The following PCDHA9 variants were observed in gnomAD, a reference collection of about 807,000 sequenced individuals.
PCDHA9 encodes protocadherin alpha-9.
In PCDHA9, 62 loss-of-function variants were observed where a neutral mutation model predicts 62.0. The ratio of observed to expected loss-of-function variants is 1.00; its 90% CI spans 0.81 to 1.23. PCDHA9 has a LOEUF of 1.23. Ranked by LOEUF, PCDHA9 falls within the 50% of genes most tolerant of loss-of-function variation. The pLI is 0.00. For synonymous variants in PCDHA9, 557 were observed against 567.6 expected (o/e 0.98, Z 0.27); for missense variants, 1,205 against 1,249.8 (o/e 0.96, Z 0.54).
At chr5:140,984,307 G>T (rs2153833813) in intron 3 of PCDHA9, among the ~76,000 whole-genome samples, 1 of 152,288 alleles carries the variant, frequency 6.6e-6, no homozygotes, top group Non-Finnish European at 1.5e-5. Context: ...GCTGGTTGGT[G>T]TGTATTCCTA....
Position 140,851,538 on chromosome 5 carries a change from A to G in PCDHA9, c.2394+649A>G. 2.2e-6 allele frequency: 2 copies of G among 905,392 alleles called. 1 individual carries two copies. The highest frequency in any genetic ancestry group is 2.7e-6 in the Non-Finnish European group (2 of 743,116). The allele number at this position is 905,392 out of a possible 1,614,324, so 56.1% of individuals were successfully genotyped here. A position where few individuals can be genotyped will look rare whatever the true frequency, so the allele number is the denominator to read the frequency against. Reference sequence around the variant, plus strand: ...TTTTAAAATGCCTGACAATGTAGATAATTCAAGAAATGTTGACTGAAATTT... The same window carrying G: ...TTTTAAAATGCCTGACAATGTAGATGATTCAAGAAATGTTGACTGAAATTT... On this transcript the variant is annotated intron_variant, in intron 1 of 3. Coordinates refer to ENST00000532602, the MANE Select transcript of PCDHA9 (RefSeq NM_031857.2).
At chr5:140,990,900 G>C (rs1164287326) in intron 3 of PCDHA9, among the ~76,000 whole-genome samples, 1 of 152,114 alleles carries the variant, frequency 6.6e-6, no homozygotes, top group Non-Finnish European at 1.5e-5. Flanking sequence ...TCGTTGCTGG[G>C]TCAAGTTTTA....
intron 3 of PCDHA9, among the ~76,000 whole-genome samples, chr5:140,999,867 C>A (rs1269782566): frequency 1.3e-5 from 2 of 152,190 alleles, no homozygotes; most frequent in African/African-American, 4.8e-5. Context: ...TCCAAGATTA[C>A]TGAAAATTAG....
chr5:140,959,301 G>A (rs139206577), intron 1 of PCDHA9, among the ~76,000 whole-genome samples: 161 of 152,140 alleles, frequency 1.1e-3, no homozygotes, highest in Non-Finnish European at 1.1e-3. Context: ...CACTGAGCCC[G>A]GTGGTTGAAG....
rs575141569 is a variant in PCDHA9, at chr5:140,917,876, CT to C, written c.2395-61063del. Among the ~76,000 whole-genome samples, 1,293 of 147,130 alleles carry C rather than the reference CT, an allele frequency of 8.8e-3. 5 individuals carry two copies. Among genetic ancestry groups the C allele is most frequent in the African/African-American group, 0.02 (816 of 40,244 alleles). ...TAGGATTGCTTTGACTATTTGGGCT[CT>C]TTTTTTTTTCCATATGAATGTTAGG... On this transcript the variant is annotated intron_variant, in intron 1 of 3. Coordinates refer to ENST00000532602, the MANE Select transcript of PCDHA9 (RefSeq NM_031857.2).
rs782411315 is a variant in PCDHA9, at chr5:140,883,596, T to G, written c.2394+32707T>G. ...CTGTGGGCCACGGCCAGCGTGTCGG[T>G]GGGGGTGGCCGACGTGAACGACAAC... On this transcript the variant is annotated intron_variant, in intron 1 of 3. Coordinates refer to ENST00000532602, the MANE Select transcript of PCDHA9 (RefSeq NM_031857.2). 1.0e-4 allele frequency: 167 copies of G among 1,613,676 alleles called. No homozygotes were observed. The highest frequency in any genetic ancestry group is 1.6e-4 in the Middle Eastern group (1 of 6,072).
At position 140,973,488 on chromosome 5, in the gene PCDHA9, G is replaced by A. The variant is rs186493160; in HGVS notation, c.2395-5461G>A. Reference sequence around the variant, plus strand: ...GTTTGCAAATTTCATATTGGTCACAGGACTCTTCTTCTGAGAAAAAGTTTA... The same window carrying A: ...GTTTGCAAATTTCATATTGGTCACAAGACTCTTCTTCTGAGAAAAAGTTTA... On this transcript the variant is annotated intron_variant, in intron 1 of 3. Coordinates refer to ENST00000532602, the MANE Select transcript of PCDHA9 (RefSeq NM_031857.2). Among the ~76,000 whole-genome samples, 7 of 152,228 alleles carry A rather than the reference G, an allele frequency of 4.6e-5. No homozygotes were observed. The East Asian group carries it at 1.3e-3, about 29-fold the overall frequency.
In PCDHA9 at chr5:140,993,861, T is replaced by G. The variant is rs143253452; in HGVS notation, c.2542+11298T>G. 3.2e-4 allele frequency among the ~76,000 whole-genome samples: 49 copies of G among 152,356 alleles called. No homozygotes were observed. In the East Asian group the frequency reaches 9.4e-3, roughly 29 times the overall value. On this transcript the variant is annotated intron_variant, in intron 3 of 3. Transcript: ENST00000532602. ...TAGGTATGTAGTAGGCTATGCCATC[T>G]AGGTTTGTGTAAGTACGCTCTATGA... is the stretch of plus-strand genomic sequence containing the variant.
At chr5:141,009,459 A>T in intron 3 of PCDHA9, 168 bp from the exon 4 acceptor site, 3 of 950,878 alleles carry the variant, frequency 3.2e-6, no homozygotes, top group Non-Finnish European at 3.8e-6. Context: ...AATTAAACAA[A>T]TAAATAAATA....
intron 1 of PCDHA9, chr5:140,870,165 G>T (rs1223679164): frequency 1.2e-6 from 2 of 1,614,138 alleles, no homozygotes; most frequent in Non-Finnish European, 1.7e-6. Context: ...TGACTTCCTT[G>T]TCCCTCCCAG....
chr5:140,966,061 C>T (rs2095963591), intron 1 of PCDHA9, among the ~76,000 whole-genome samples: 1 of 152,222 alleles, frequency 6.6e-6, no homozygotes, highest in Non-Finnish European at 1.5e-5. Flanking sequence ...CCCAGAGCGC[C>T]TCCCCCTGCG....
chr5:140,887,654 G>A (rs2061529435), intron 1 of PCDHA9, among the ~76,000 whole-genome samples: 1 of 151,712 alleles, frequency 6.6e-6, no homozygotes, highest in South Asian at 2.1e-4. Context: ...TGATATTCTT[G>A]GATCTGTGGA....
chr5:140,856,759 C>T lies in PCDHA9; in HGVS notation c.2394+5870C>T, dbSNP rs148775418. On this transcript the variant is annotated intron_variant, in intron 1 of 3. Coordinates refer to ENST00000532602, the MANE Select transcript of PCDHA9 (RefSeq NM_031857.2). ...TCCTGGTGTTAGATGCCAATGATAA[C>T]GCCCCTATCTTTGACAGACCGGTTT... 33 of 1,596,270 alleles carry T rather than the reference C, an allele frequency of 2.1e-5. 4 individuals carry two copies. Among genetic ancestry groups the T allele is most frequent in the Non-Finnish European group, 2.6e-5 (30 of 1,166,452 alleles).
At chr5:140,869,812 G>A (rs2051440753) in intron 1 of PCDHA9, 1 of 1,612,340 alleles carries the variant, frequency 6.2e-7, no homozygotes, top group East Asian at 2.2e-5. Flanking sequence ...GGATGTCAAC[G>A]ACAATGATCC....
At chr5:140,887,524 G>A (rs2061480235) in intron 1 of PCDHA9, among the ~76,000 whole-genome samples, 2 of 152,090 alleles carry the variant, frequency 1.3e-5, no homozygotes, top group African/African-American at 4.8e-5. Flanking sequence ...TTATATATGA[G>A]TCTTCCTCTC....
In PCDHA9 at chr5:140,927,503, C is replaced by T. The variant is rs148532418; in HGVS notation, c.2395-51446C>T. On this transcript the variant is annotated intron_variant, in intron 1 of 3. Transcript: ENST00000532602. ...CGCGCCACCCACCTGCTGGTGCTTA[C>T]AGCTCGGGACGGCGGGCTACCTGCC... The T allele has an allele frequency of 1.2e-4, 190 of 1,614,128 alleles. No homozygotes were observed. In the African/African-American group the frequency reaches 2.3e-3, roughly 19 times the overall value.
intron 1 of PCDHA9, among the ~76,000 whole-genome samples, chr5:140,881,606 T>A (rs1554172306): frequency 6.6e-6 from 1 of 152,226 alleles, no homozygotes; most frequent in East Asian, 1.9e-4. Context: ...TAATATGATG[T>A]GCTTATTCAA....
intron 1 of PCDHA9, among the ~76,000 whole-genome samples, chr5:140,924,692 C>T (rs1421659285): frequency 2.0e-5 from 3 of 151,910 alleles, no homozygotes; most frequent in Admixed American, 6.6e-5. Flanking sequence ...GTCAGGAGTT[C>T]GAGACCAGCT....
chr5:140,982,583 C>T lies in PCDHA9; in HGVS notation c.2542+20C>T, dbSNP rs1251252617. ...CACCAGGTAAAGAGCTGGGGTCTCT[C>T]CATTCTTTCTTGGTTTCTGGAAAGT... is the stretch of plus-strand genomic sequence containing the variant. On this transcript the variant is annotated intron_variant, in intron 3 of 3. Coordinates refer to ENST00000532602, the MANE Select transcript of PCDHA9 (RefSeq NM_031857.2). The T allele has an allele frequency of 1.2e-6, 2 of 1,612,084 alleles. No homozygotes were observed. The highest frequency in any genetic ancestry group is 4.5e-5 in the East Asian group (2 of 44,856).
Sources: allele counts gnomAD v4.1 joint callset (sites outside exome capture counted in the v4.1 genomes callset), GRCh38; gene constraint gnomAD v4.1.1; transcripts MANE v1.5; gene names NCBI Gene and HGNC (gene_info 2026-07-23, HGNC 2026-07-21).